The following EDC3 variants were observed in gnomAD, a reference collection of about 807,000 sequenced individuals.
The protein encoded by EDC3 is enhancer of mRNA decapping 3, also known as enhancer of mRNA-decapping protein 3.
Under a neutral mutation model 41.8 loss-of-function variants are expected in EDC3, and 20 were observed. That is an observed-to-expected ratio of 0.48 (90% CI 0.34 to 0.70). The LOEUF is 0.70. Among genes scored for constraint, EDC3 ranks in the 30% least tolerant of loss-of-function variants. The probability of loss-of-function intolerance (pLI) is 0.01; values close to 1 mark genes in which losing one functional copy is unlikely to be tolerated. For missense variants in EDC3, 444 were observed against 636.8 expected (o/e 0.70, Z 3.26); for synonymous variants, 206 against 243.2 (o/e 0.85, Z 1.42).
chr15:74,686,385 G>A (rs1392923810), intron 1 of EDC3, among the ~76,000 whole-genome samples: 1 of 152,072 alleles, frequency 6.6e-6, no homozygotes, highest in East Asian at 1.9e-4. Flanking sequence ...TACTTGGGAG[G>A]CTGAGGCAGG....
At chr15:74,664,035 T>C (rs2062651572) in intron 3 of EDC3, among the ~76,000 whole-genome samples, 1 of 152,218 alleles carries the variant, frequency 6.6e-6, no homozygotes, top group African/African-American at 2.4e-5. Flanking sequence ...AGTTGATTCA[T>C]TCATTTGAGA....
At chr15:74,679,152 C>T (rs901766018) in intron 1 of EDC3, among the ~76,000 whole-genome samples, 14 of 151,888 alleles carry the variant, frequency 9.2e-5, no homozygotes, top group African/African-American at 3.1e-4. Context: ...GCCAAGATCG[C>T]GCCACTGCAC....
chr15:74,632,316 T>C lies in EDC3; in HGVS notation c.*296A>G, dbSNP rs1405659678. ...GTGGCTGTAAACCTGAAACACAGTC[T>C]TGAGAGCTGCCTACGGCTGTAAACA... is the stretch of plus-strand genomic sequence containing the variant. On this transcript the variant is annotated 3_prime_UTR_variant, in exon 7 of 7. Transcript: ENST00000315127. This position sits in a 1 kb window ranked among gnomAD's most constrained non-coding sequence, Gnocchi z 4.0. 1.2e-5 allele frequency: 5 copies of C among 431,764 alleles called. No individual in the cohort carries two copies. Among genetic ancestry groups the C allele is most frequent in the Non-Finnish European group, 2.1e-5 (5 of 235,414 alleles). The allele number at this position is 431,764 out of a possible 1,614,324, so 26.7% of individuals were successfully genotyped here. A position where few individuals can be genotyped will look rare whatever the true frequency, so the allele number is the denominator to read the frequency against.
chr15:74,683,425 C>T (rs2062897332), intron 1 of EDC3, among the ~76,000 whole-genome samples: 1 of 152,144 alleles, frequency 6.6e-6, no homozygotes, highest in Admixed American at 6.5e-5. Flanking sequence ...GTCCCAGCTA[C>T]TCGGGAGGCT....
chr15:74,662,440 T>C (rs1373547846), intron 3 of EDC3, among the ~76,000 whole-genome samples: 1 of 151,168 alleles, frequency 6.6e-6, no homozygotes, highest in Non-Finnish European at 1.5e-5. Flanking sequence ...TATATATTTT[T>C]TTTTTAAAAA....
intron 1 of EDC3, among the ~76,000 whole-genome samples, chr15:74,687,786 G>A (rs1386896181): frequency 6.6e-6 from 1 of 152,112 alleles, no homozygotes; most frequent in Admixed American, 6.5e-5. Flanking sequence ...TTTGCCTAAT[G>A]TCACAAAAGC....
chr15:74,688,678 G>T (rs986541708), intron 1 of EDC3, among the ~76,000 whole-genome samples: 5 of 152,076 alleles, frequency 3.3e-5, no homozygotes, highest in Admixed American at 1.3e-4. Flanking sequence ...GGCCACGGCG[G>T]GTGGATCACT....
At chr15:74,688,174 A>G (rs957076301) in intron 1 of EDC3, among the ~76,000 whole-genome samples, 1 of 152,242 alleles carries the variant, frequency 6.6e-6, no homozygotes, top group Admixed American at 6.5e-5. Context: ...AAATTATGCT[A>G]TTTACAGAAA....
At chr15:74,643,117 C>G (rs891317435) in intron 4 of EDC3, 2 of 152,114 alleles carry the variant, frequency 1.3e-5, no homozygotes, top group Non-Finnish European at 2.9e-5. Context: ...CATTTATACA[C>G]GTAAGTCCAA....
At chr15:74,689,621 T>C (rs1008450843) in intron 1 of EDC3, among the ~76,000 whole-genome samples, 2 of 152,080 alleles carry the variant, frequency 1.3e-5, no homozygotes, top group African/African-American at 4.8e-5. Flanking sequence ...GCCTCCTGGG[T>C]TCACACCATC....
At chr15:74,636,263 A>C (rs2062271726) in intron 5 of EDC3, 1 of 154,066 alleles carries the variant, frequency 6.5e-6, no homozygotes, top group Non-Finnish European at 1.4e-5. Context: ...TAATGAAAGC[A>C]ATGCTGCAGG....
At chr15:74,684,093 T>TG (rs891983596) in intron 1 of EDC3, among the ~76,000 whole-genome samples, 6 of 149,158 alleles carry the variant, frequency 4.0e-5, no homozygotes, top group Non-Finnish European at 7.4e-5. Flanking sequence ...TGTTTTTTTT[T>TG]TTTTTTTTTT....
At chr15:74,689,568 A>G (rs2062979221) in intron 1 of EDC3, among the ~76,000 whole-genome samples, 1 of 149,902 alleles carries the variant, frequency 6.7e-6, no homozygotes, top group Non-Finnish European at 1.5e-5. Flanking sequence ...TCTTTCGCCC[A>G]GGCCGGACTG....
intron 3 of EDC3, among the ~76,000 whole-genome samples, chr15:74,660,931 G>A (rs1459115381): frequency 6.6e-6 from 1 of 152,104 alleles, no homozygotes; most frequent in African/African-American, 2.4e-5. Context: ...ATAACAAGAA[G>A]TCTATCCATG....
rs184299954 is a variant in EDC3, at chr15:74,632,618, A to G, written c.1521T>C (p.Ser507=). 86 of 1,613,482 alleles carry G rather than the reference A, an allele frequency of 5.3e-5. 2 individuals are homozygous for G. In the Admixed American group the frequency reaches 1.1e-3, roughly 20 times the overall value. ...FGCKFVIPLH[S]A ...CTGCCTGCGCAGGAACCCTCTAAGC[A>G]GAGTGCAGTGGGATAACAAACTTGC... Residue 507 remains serine (S), a synonymous_variant, in exon 7 of 7, where the codon TCT becomes TCC. Transcript: ENST00000315127. This position sits in a 1 kb window ranked among gnomAD's most constrained non-coding sequence, Gnocchi z 4.0.
At position 74,632,573 on chromosome 15, in the gene EDC3, C is replaced by G. The variant is rs1163100912; in HGVS notation, c.*39G>C. ...TCCTTAAGGCGTTTGTTATCAGGAGCAGCAGGGGACAGCAGAGTCCTGCCT... is the reference window on the plus strand; with the variant it reads ...TCCTTAAGGCGTTTGTTATCAGGAGGAGCAGGGGACAGCAGAGTCCTGCCT... On this transcript the variant is annotated 3_prime_UTR_variant, in exon 7 of 7. Transcript: ENST00000315127. The surrounding 1 kb of genome is among the most constrained non-coding windows in gnomAD (Gnocchi z 4.0). 1 of 1,592,688 alleles carries G rather than the reference C, an allele frequency of 6.3e-7. No individual in the cohort carries two copies. The highest frequency in any genetic ancestry group is 1.1e-5 in the South Asian group (1 of 89,974).
intron 1 of EDC3, among the ~76,000 whole-genome samples, chr15:74,678,891 GAAA>G (rs35560581): frequency 1.8e-5 from 2 of 109,898 alleles, no homozygotes; most frequent in Admixed American, 9.2e-5. Flanking sequence ...CTCCGTCTCA[GAAA>G]AAAAAAAAAA....
rs2063038049 is a variant in EDC3 at position 74,693,989 on chromosome 15, A to C, written c.-19+1891T>G. Among the ~76,000 whole-genome samples the C allele has an allele frequency of 2.6e-5, 4 of 151,956 alleles. No individual in the cohort carries two copies. In the South Asian group the frequency reaches 8.3e-4, roughly 32 times the overall value. On this transcript the variant is annotated intron_variant, in intron 1 of 6. Coordinates refer to ENST00000315127, the MANE Select transcript of EDC3 (RefSeq NM_025083.5). The stretch of plus-strand genomic sequence containing the variant: ...GCAATGGAGTGAGACTCCATCTCAA[A>C]AAAAAAAACAAAAACTTCATAAATG...
chr15:74,660,913 G>GAC (rs2062613276), intron 3 of EDC3, among the ~76,000 whole-genome samples: 1 of 152,172 alleles, frequency 6.6e-6, no homozygotes, highest in African/African-American at 2.4e-5. Context: ...AGGAAAATGT[G>GAC]ACATTCCATA....
Sources: allele counts gnomAD v4.1 joint callset (sites outside exome capture counted in the v4.1 genomes callset), GRCh38; gene constraint gnomAD v4.1.1; non-coding constraint Gnocchi (gnomAD v3.1); transcripts MANE v1.5; gene names NCBI Gene and HGNC (gene_info 2026-07-23, HGNC 2026-07-21).